ST7L: variants seen among roughly 807,000 people sequenced by gnomAD.
ST7L encodes suppression of tumorigenicity 7 like.
A neutral mutation model predicts 72.5 loss-of-function variants in ST7L; 57 were observed. The ratio of observed to expected loss-of-function variants is 0.79; its 90% CI spans 0.64 to 0.98. ST7L has a LOEUF of 0.98. Ranked by LOEUF, ST7L falls within the 50% of genes least tolerant of loss-of-function variation. ST7L has a pLI of 0.00. For synonymous variants in ST7L, 221 were observed against 240.9 expected, an observed-to-expected ratio of 0.92 and a Z score of 0.77; for missense variants, 576 against 672.2, an observed-to-expected ratio of 0.86 and a Z score of 1.58.
intron 6 of ST7L, among the ~76,000 whole-genome samples, chr1:112,584,506 A>T (rs1430427983): frequency 3.3e-5 from 5 of 150,790 alleles, no homozygotes; most frequent in Non-Finnish European, 7.4e-5. Context: ...TTTTTTTTTG[A>T]GATGGAATTT....
At chr1:112,619,256 G>C, upstream of ST7L, 1 of 749,698 alleles carries the variant, frequency 1.3e-6, no homozygotes, top group Non-Finnish European at 2.1e-6. Flanking sequence ...AGATTTCGAA[G>C]GTGGAGGAGC....
At chr1:112,540,784 A>C (rs1176235085) in intron 14 of ST7L, 1 of 1,281,992 alleles carries the variant, frequency 7.8e-7, no homozygotes, top group Non-Finnish European at 1.0e-6. Context: ...ATTACCAAGT[A>C]AGGACTAGTT....
At chr1:112,534,480 C>G (rs1038435017) in intron 14 of ST7L, among the ~76,000 whole-genome samples, 1 of 152,104 alleles carries the variant, frequency 6.6e-6, no homozygotes, top group African/African-American at 2.4e-5. Flanking sequence ...TAAGTATAAT[C>G]TCTTTTAAAA....
chr1:112,575,460 C>G (rs747647808), intron 11 of ST7L, among the ~76,000 whole-genome samples: 2 of 152,128 alleles, frequency 1.3e-5, no homozygotes, highest in Non-Finnish European at 2.9e-5. Context: ...ATATGTCAAT[C>G]TTGCATTTGG....
chr1:112,576,910 C>G (rs771029735), intron 11 of ST7L, 76 bp downstream of exon 11: 9 of 1,110,232 alleles, frequency 8.1e-6, no homozygotes, highest in Non-Finnish European at 1.1e-5. Context: ...TATGGTGACC[C>G]AGACTCTGGT....
In ST7L at chr1:112,577,101, C is replaced by T. The variant is rs1396585661; in HGVS notation, c.1143-13G>A. 6.7e-7 allele frequency: 1 copy of T among 1,495,308 alleles called. No homozygotes were observed. The highest frequency in any genetic ancestry group is 2.0e-5 in the Admixed American group (1 of 49,600). 92.6% of individuals were successfully genotyped at this position (1,495,308 alleles called of 1,614,324 possible). ...TTCTGGAGAGAATCTACAAGAAAAC[C>T]ACAAAATGAAAAAATAAATATGCTA... is the stretch of plus-strand genomic sequence containing the variant. On this transcript the variant is annotated splice_polypyrimidine_tract_variant and intron_variant, in intron 10 of 14. Coordinates refer to ENST00000358039, the MANE Select transcript of ST7L (RefSeq NM_017744.5).
chr1:112,550,708 G>C lies in ST7L; in HGVS notation c.1397-15C>G, dbSNP rs183242110. 1 of 1,592,134 alleles carries C rather than the reference G, an allele frequency of 6.3e-7. No individual in the cohort carries two copies. Among genetic ancestry groups the C allele is most frequent in the South Asian group, 1.1e-5 (1 of 89,768 alleles). On this transcript the variant is annotated splice_polypyrimidine_tract_variant and intron_variant, in intron 12 of 14. Transcript: ENST00000358039. ...CATTCTAAAAGCTGAGGAAAAAAAA[G>C]CATGTGTTGATACTCAATTCTGTCT...
At chr1:112,551,138 C>CTTTTTTTTTTTTTTTTTTT (rs567601091) in intron 12 of ST7L, among the ~76,000 whole-genome samples, 7 of 77,224 alleles carry the variant, frequency 9.1e-5, no homozygotes, top group African/African-American at 1.3e-4. Context: ...ATGAGCAGAT[C>CTTTTTTTTTTTTTTTTTTT]TTTTTTTTTT....
chr1:112,577,172 G>T, intron 10 of ST7L, 84 bp from the exon 11 acceptor site: 1 of 723,178 alleles, frequency 1.4e-6, no homozygotes, highest in Non-Finnish European at 2.0e-6. Context: ...ACAGCCCCTT[G>T]AATCAAAAGA....
intron 14 of ST7L, among the ~76,000 whole-genome samples, chr1:112,533,314 T>C (rs1654680205): frequency 7.0e-6 from 1 of 143,656 alleles, no homozygotes; most frequent in Admixed American, 7.2e-5. Flanking sequence ...CATATGTGCG[T>C]TATTTTATTT....
At chr1:112,559,225 T>C (rs1659683105) in intron 11 of ST7L, among the ~76,000 whole-genome samples, 1 of 152,168 alleles carries the variant, frequency 6.6e-6, no homozygotes, top group Non-Finnish European at 1.5e-5. Flanking sequence ...AAAATATCAA[T>C]TTGATGTGTC....
In ST7L at chr1:112,551,875, G is replaced by A. The variant is rs538790743; in HGVS notation, c.1397-1182C>T. Among the ~76,000 whole-genome samples, 3 of 152,188 alleles carry A rather than the reference G, an allele frequency of 2.0e-5. No homozygotes were observed. In the South Asian group the frequency reaches 6.2e-4, roughly 32 times the overall value. On this transcript the variant is annotated intron_variant, in intron 12 of 14. Transcript: ENST00000358039. ...GATATAAACAAGAGTTAAGTTCCTT[G>A]GTCACAAAACATCACCAAACTTCTA...
At chr1:112,589,464 T>C (rs549679351) in intron 6 of ST7L, among the ~76,000 whole-genome samples, 10 of 152,300 alleles carry the variant, frequency 6.6e-5, no homozygotes, top group African/African-American at 2.2e-4. Context: ...TGTTGAAAAC[T>C]GGAAATTTTA....
At chr1:112,574,964 C>G (rs1031598724) in intron 11 of ST7L, among the ~76,000 whole-genome samples, 1 of 152,044 alleles carries the variant, frequency 6.6e-6, no homozygotes, top group African/African-American at 2.4e-5. Context: ...CAAGGCTGGG[C>G]GCGGTGGCTT....
rs769919882 is a variant in ST7L, at chr1:112,584,065, T to G, written c.763A>C (p.Arg255=). The change falls in exon 7 of 15, where the codon AGG becomes CGG. Residue 255 remains arginine, a synonymous_variant. Coordinates refer to ENST00000358039, the MANE Select transcript of ST7L (RefSeq NM_017744.5). The stretch of plus-strand genomic sequence containing the variant: ...GCCTTGAGTGCCTGTTTAAATAACC[T>G]TTCAGCATCTACAATAGTTGTTGCT... ...EEATTIVDAE[R]LFKQALKAGE... 21 of 1,614,028 alleles carry G rather than the reference T, an allele frequency of 1.3e-5. No homozygotes were observed. The highest frequency in any genetic ancestry group is 1.8e-5 in the Non-Finnish European group (21 of 1,180,028).
chr1:112,560,584 T>C (rs1431854046), intron 11 of ST7L, among the ~76,000 whole-genome samples: 1 of 152,200 alleles, frequency 6.6e-6, no homozygotes, highest in Non-Finnish European at 1.5e-5. Context: ...CTACCCAGCA[T>C]AGGCTGTAAC....
At chr1:112,587,905 A>C (rs905338881) in intron 6 of ST7L, among the ~76,000 whole-genome samples, 1 of 152,318 alleles carries the variant, frequency 6.6e-6, no homozygotes, top group African/African-American at 2.4e-5. Flanking sequence ...CAATTTAGGG[A>C]GTACTGACAT....
chr1:112,530,695 G>C (rs1256677084), intron 14 of ST7L, among the ~76,000 whole-genome samples: 1 of 152,174 alleles, frequency 6.6e-6, no homozygotes, highest in African/African-American at 2.4e-5. Flanking sequence ...GATTACAGGA[G>C]TGAGCCACCG....
chr1:112,554,912 T>A (rs1397089890), intron 12 of ST7L, among the ~76,000 whole-genome samples: 4 of 152,142 alleles, frequency 2.6e-5, no homozygotes, highest in African/African-American at 9.7e-5. Flanking sequence ...TCCACTTATA[T>A]GAGGTACCTA....
Sources: allele counts gnomAD v4.1 joint callset (sites outside exome capture counted in the v4.1 genomes callset), GRCh38; gene constraint gnomAD v4.1.1; transcripts MANE v1.5; gene names NCBI Gene and HGNC (gene_info 2026-07-23, HGNC 2026-07-21).